Variants in TFCP2 observed in about 807,000 individuals in gnomAD.
The protein encoded by TFCP2 is transcription factor CP2, also known as alpha-globin transcription factor CP2.
TFCP2 carries 33 observed loss-of-function variants against 73.4 expected under a neutral mutation model. The observed-to-expected ratio is 0.45, with a 90% CI of 0.34 to 0.60. The LOEUF (loss-of-function observed/expected upper bound fraction) is 0.60. Ranked by LOEUF, TFCP2 falls within the 20% of genes least tolerant of loss-of-function variation. TFCP2 has a pLI of 0.01. For synonymous variants in TFCP2, 193 were observed against 211.6 expected (o/e 0.91, Z 0.76); for missense variants, 352 against 604.0 (o/e 0.58, Z 4.37).
At chr12:51,170,800 T>A (rs1223571018) in intron 1 of TFCP2, among the ~76,000 whole-genome samples, 1 of 151,974 alleles carries the variant, frequency 6.6e-6, no homozygotes, top group Non-Finnish European at 1.5e-5. Flanking sequence ...TGCCTCAGCC[T>A]CCCAAGTAGC....
At chr12:51,117,803 C>A in intron 2 of TFCP2, 56 bp from the exon 3 acceptor site, 1 of 1,238,680 alleles carries the variant, frequency 8.1e-7, no homozygotes, top group South Asian at 1.3e-5. Context: ...TTGCTAGATT[C>A]GGAAAGAATA....
In TFCP2 at chr12:51,172,372, C is replaced by T. The variant is rs375984121; in HGVS notation, c.51G>A (p.Gly17=). The change falls in exon 1 of 15, where the codon GGG becomes GGA. Residue 17 remains glycine, a synonymous_variant. Transcript: ENST00000257915. ...GGCTAGCATCAAAGTCCTGCACCAA[C>T]CCGGATTCAATCACTTCGTCGGCCA... is the stretch of plus-strand genomic sequence containing the variant. ...LPLADEVIES[G]LVQDFDASLS... The T allele has an allele frequency of 6.2e-7, 1 of 1,614,052 alleles. No homozygotes were observed. Among genetic ancestry groups the T allele is most frequent in the African/African-American group, 1.3e-5 (1 of 74,922 alleles).
chr12:51,099,303 T>G (rs924306992), intron 12 of TFCP2, among the ~76,000 whole-genome samples: 1 of 151,878 alleles, frequency 6.6e-6, no homozygotes. Flanking sequence ...CTGGGCAACA[T>G]AGGGAGATCC....
rs149356964 is a variant in TFCP2, at chr12:51,128,286, G to A, written c.123-9514C>T. Among the ~76,000 whole-genome samples the A allele has an allele frequency of 6.1e-3, 921 of 151,962 alleles. 9 individuals carry two copies. Among genetic ancestry groups the A allele is most frequent in the African/African-American group, 0.021 (858 of 41,460 alleles). ...TACCTTATACCAGAGTTGATGTGACGTGCAGGACAAGCAAGACTGAAGAAT... is the reference window on the plus strand; with the variant it reads ...TACCTTATACCAGAGTTGATGTGACATGCAGGACAAGCAAGACTGAAGAAT... On this transcript the variant is annotated intron_variant, in intron 1 of 14. Transcript: ENST00000257915.
chr12:51,167,292 T>C (rs1296279880), intron 1 of TFCP2, among the ~76,000 whole-genome samples: 1 of 152,012 alleles, frequency 6.6e-6, no homozygotes, highest in African/African-American at 2.4e-5. Flanking sequence ...CAACAGAAAA[T>C]AAACTAGGGT....
At chr12:51,109,333 AT>A in intron 5 of TFCP2, 60 bp from the exon 6 acceptor site, 6 of 1,573,578 alleles carry the variant, frequency 3.8e-6, no homozygotes, top group South Asian at 2.3e-5. Flanking sequence ...AGTTGGCAGT[AT>A]TTTTTTAGCA....
At chr12:51,160,477 T>C (rs1402910017) in intron 1 of TFCP2, among the ~76,000 whole-genome samples, 1 of 151,992 alleles carries the variant, frequency 6.6e-6, no homozygotes, top group African/African-American at 2.4e-5. Context: ...ATGTTAAGAA[T>C]GAAATTATCT....
intron 10 of TFCP2, among the ~76,000 whole-genome samples, chr12:51,102,619 G>A (rs995525260): frequency 6.6e-6 from 1 of 151,892 alleles, no homozygotes; most frequent in Admixed American, 6.6e-5. Context: ...CCAGCTACTC[G>A]GGGGCTGAGG....
At chr12:51,152,661 G>T (rs1016606422) in intron 1 of TFCP2, among the ~76,000 whole-genome samples, 2 of 152,138 alleles carry the variant, frequency 1.3e-5, no homozygotes, top group African/African-American at 4.8e-5. Context: ...TTCTGAGAAA[G>T]AGAAGGATAA....
intron 1 of TFCP2, among the ~76,000 whole-genome samples, chr12:51,144,990 CA>C (rs1381921076): frequency 1.3e-5 from 2 of 152,238 alleles, no homozygotes; most frequent in East Asian, 3.9e-4. Context: ...CACTTGAGGT[CA>C]GGAGTTCGAG....
intron 10 of TFCP2, among the ~76,000 whole-genome samples, chr12:51,102,502 G>A (rs999816055): frequency 1.3e-5 from 2 of 152,090 alleles, no homozygotes; most frequent in African/African-American, 4.8e-5. Flanking sequence ...GAGGAGGGTG[G>A]ATCATTTGAG....
intron 1 of TFCP2, among the ~76,000 whole-genome samples, chr12:51,149,062 T>TA: frequency 1.1e-5 from 1 of 94,906 alleles, no homozygotes. Flanking sequence ...GAAAATGTGG[T>TA]ATATATACAC....
chr12:51,107,353 T>A lies in TFCP2; in HGVS notation c.718-7A>T. 1.2e-6 allele frequency: 2 copies of A among 1,603,078 alleles called. No homozygotes were observed. Among genetic ancestry groups the A allele is most frequent in the Non-Finnish European group, 1.7e-6 (2 of 1,176,542 alleles). On this transcript the variant is annotated splice_region_variant and splice_polypyrimidine_tract_variant and intron_variant, in intron 6 of 14. Coordinates refer to ENST00000257915, the MANE Select transcript of TFCP2 (RefSeq NM_005653.5). ...TTCTGTCTGCACCTTTGGGCTGAAATGAGAAATATTTTGTTTTAAATTCAG... is the reference window on the plus strand; with the variant it reads ...TTCTGTCTGCACCTTTGGGCTGAAAAGAGAAATATTTTGTTTTAAATTCAG...
chr12:51,123,877 G>A (rs1216029528), intron 1 of TFCP2, among the ~76,000 whole-genome samples: 3 of 152,180 alleles, frequency 2.0e-5, no homozygotes, highest in East Asian at 3.8e-4. Flanking sequence ...CAACAGGGCA[G>A]ACTAAAAATA....
chr12:51,123,294 A>G (rs1341296558), intron 1 of TFCP2, among the ~76,000 whole-genome samples: 2 of 152,268 alleles, frequency 1.3e-5, no homozygotes, highest in Non-Finnish European at 2.9e-5. Flanking sequence ...TATTCTTGCT[A>G]CACCGCATTT....
chr12:51,102,323 A>T (rs570220056), intron 10 of TFCP2, among the ~76,000 whole-genome samples: 1 of 152,278 alleles, frequency 6.6e-6, no homozygotes, highest in Non-Finnish European at 1.5e-5. Flanking sequence ...ACATGCCTGT[A>T]GTCCCAGCTA....
At chr12:51,105,635 A>G (rs554723299) in intron 8 of TFCP2, among the ~76,000 whole-genome samples, 1 of 152,290 alleles carries the variant, frequency 6.6e-6, no homozygotes, top group South Asian at 2.1e-4. Flanking sequence ...CCTTAGCTGC[A>G]AAATTCAAAT....
rs917092876 is a variant in TFCP2 at position 51,172,630 on chromosome 12, G to C, written c.-208C>G. On this transcript the variant is annotated 5_prime_UTR_variant, in exon 1 of 15. Transcript: ENST00000257915. ...GGCTGCTCGTTCTTGGCTGCCCCAG[G>C]TTCCAAAATCCCCCCTGCCCAGCTC... The C allele has an allele frequency of 8.4e-6, 5 of 593,128 alleles. No individual in the cohort carries two copies. The African/African-American group carries it at 9.4e-5, about 11-fold the overall frequency. The allele number at this position is 593,128 out of a possible 1,614,324, so 36.7% of individuals were successfully genotyped here.
At chr12:51,165,435 CT>C (rs1361276959) in intron 1 of TFCP2, among the ~76,000 whole-genome samples, 1 of 149,948 alleles carries the variant, frequency 6.7e-6, no homozygotes, top group African/African-American at 2.5e-5. Flanking sequence ...ATTCAATACC[CT>C]TTTAAGATTA....
Sources: allele counts gnomAD v4.1 joint callset (sites outside exome capture counted in the v4.1 genomes callset), GRCh38; gene constraint gnomAD v4.1.1; transcripts MANE v1.5; gene names NCBI Gene and HGNC (gene_info 2026-07-23, HGNC 2026-07-21).